Variants in ODF2L observed in about 807,000 individuals in gnomAD.
ODF2L encodes the protein protein BCAP.
ODF2L carries 76 observed loss-of-function variants against 86.3 expected under a neutral mutation model. The ratio of observed to expected loss-of-function variants is 0.88; its 90% CI spans 0.73 to 1.07. The LOEUF (loss-of-function observed/expected upper bound fraction) is 1.07. Among genes scored for constraint, ODF2L ranks in the 50% least tolerant of loss-of-function variants. The pLI is 0.00. For synonymous variants in ODF2L, 241 were observed against 231.3 expected (o/e 1.04, Z -0.38); for missense variants, 748 against 717.4 (o/e 1.04, Z -0.49).
chr1:86,353,096 T>C lies in ODF2L; in HGVS notation c.1768-112A>G, dbSNP rs1658267316. 3 of 686,560 alleles carry C rather than the reference T, an allele frequency of 4.4e-6. No homozygotes were observed. In the Admixed American group the frequency reaches 9.2e-5, roughly 21 times the overall value. The allele number at this position is 686,560 out of a possible 1,614,324, so 42.5% of individuals were successfully genotyped here. A position where few individuals can be genotyped will look rare whatever the true frequency, so the allele number is the denominator to read the frequency against. On this transcript the variant is annotated intron_variant, in intron 16 of 17. Transcript: ENST00000317336. ...AAACAGATATTACTTGTATGTTATA[T>C]CCAAGTTTAAAGATGTTCTATCTTG...
At chr1:86,355,422 A>C (rs780332974) in intron 14 of ODF2L, 88 of 1,318,220 alleles carry the variant, frequency 6.7e-5, no homozygotes, top group Non-Finnish European at 8.8e-5. Context: ...TTCAAGGAAA[A>C]AATTTTTTTC....
At chr1:86,378,994 C>T (rs1477033593) in intron 7 of ODF2L, among the ~76,000 whole-genome samples, 1 of 152,032 alleles carries the variant, frequency 6.6e-6, no homozygotes, top group Non-Finnish European at 1.5e-5. Context: ...GTGCTGTTCT[C>T]CTGATAGTGA....
chr1:86,364,160 T>G (rs946313905), intron 11 of ODF2L, among the ~76,000 whole-genome samples: 1 of 152,198 alleles, frequency 6.6e-6, no homozygotes, highest in South Asian at 2.1e-4. Flanking sequence ...AAAAACTAGT[T>G]TATAATATCT....
downstream of ODF2L, chr1:86,347,495 G>A (rs1204882983): frequency 6.6e-6 from 1 of 151,908 alleles, no homozygotes; most frequent in Non-Finnish European, 1.5e-5. Context: ...GCAATTGTTG[G>A]GTAAAAAATG....
Position 86,352,923 on chromosome 1 carries a change from TC to T in ODF2L, c.1828del (p.Asp610IlefsTer20). 6.5e-7 allele frequency: 1 copy of T among 1,545,384 alleles called. No homozygotes were observed. The highest frequency in any genetic ancestry group is 8.9e-7 in the Non-Finnish European group (1 of 1,123,764). ...TTTCTTTCTAAGCTCAGTTTCCAGA[TC>T]TAATATTTTAATTTGTAAAGCACTC... is the stretch of plus-strand genomic sequence containing the variant. On this transcript the variant is annotated frameshift_variant, in exon 17 of 18. Transcript: ENST00000317336. LOFTEE classifies it high-confidence loss of function.
chr1:86,370,985 A>G, intron 10 of ODF2L, 33 bp downstream of exon 10: 1 of 1,461,654 alleles, frequency 6.8e-7, no homozygotes, highest in Non-Finnish European at 9.2e-7. Flanking sequence ...TCATTACACA[A>G]TACATGCCTG....
rs192985664 is a variant in ODF2L at position 86,365,560 on chromosome 1, G to A, written c.1143+3076C>T. Among the ~76,000 whole-genome samples the A allele has an allele frequency of 5.9e-5, 9 of 152,202 alleles. No individual in the cohort carries two copies. The South Asian group carries it at 8.3e-4, about 14-fold the overall frequency. On this transcript the variant is annotated intron_variant, in intron 11 of 17. Coordinates refer to ENST00000317336, the Ensembl canonical transcript of ODF2L. ...GTGCCCTATCAGAGAGAATTTCCTA[G>A]GTTTAACTTCTGCTGGAGAACTAAA... is the stretch of plus-strand genomic sequence containing the variant.
intron 4 of ODF2L, 98 bp from the exon 5 acceptor site, chr1:86,383,294 C>A: frequency 1.8e-6 from 1 of 541,584 alleles, no homozygotes; most frequent in Non-Finnish European, 3.2e-6. Flanking sequence ...ATTAATATGA[C>A]TTTTAATTCA....
chr1:86,386,592 T>C lies in ODF2L; in HGVS notation c.113+323A>G, dbSNP rs571375774. ...CAGTAGAGATGGGGTTTCACCATGT[T>C]GGCCAGGCTGATCTTGAACTCCTGA... On this transcript the variant is annotated intron_variant, in intron 2 of 17. Transcript: ENST00000317336. The C allele has an allele frequency of 2.1e-4, 51 of 238,370 alleles. No homozygotes were observed. The South Asian group carries it at 7.9e-3, about 37-fold the overall frequency. The allele number at this position is 238,370 out of a possible 1,614,324, so 14.8% of individuals were successfully genotyped here.
rs78018986 is a variant in ODF2L, at chr1:86,387,925, T to C, written c.-59-839A>G. On this transcript the variant is annotated intron_variant, in intron 1 of 17. Transcript: ENST00000317336. ...TTTTATATGTCTGTATTACAAAACA[T>C]ATTATATTCAAGAATTTTTAACACT... Among the ~76,000 whole-genome samples the C allele has an allele frequency of 0.011, 1,702 of 152,228 alleles. 68 individuals carry two copies. The East Asian group carries it at 0.12, about 10-fold the overall frequency.
chr1:86,393,378 T>C (rs527911379), intron 1 of ODF2L, among the ~76,000 whole-genome samples: 6 of 134,776 alleles, frequency 4.5e-5, no homozygotes, highest in South Asian at 4.5e-4. Context: ...AGAGAGGTAA[T>C]TGTATGAAAA....
At chr1:86,352,886 T>C (rs1352449941) in exon 17 of ODF2L, 2 of 1,549,412 alleles carry the variant, frequency 1.3e-6, no homozygotes, top group South Asian at 2.3e-5. Flanking sequence ...CAAGTTGATT[T>C]TGTTCTTCAT....
intron 1 of ODF2L, among the ~76,000 whole-genome samples, chr1:86,387,685 T>G (rs1253427451): frequency 6.6e-6 from 1 of 152,130 alleles, no homozygotes; most frequent in Non-Finnish European, 1.5e-5. Flanking sequence ...CTCACACCTG[T>G]AGATGTCACT....
At chr1:86,353,018 C>A (rs375331812) in intron 16 of ODF2L, 34 bp from the exon 16 acceptor site, 5 of 1,369,934 alleles carry the variant, frequency 3.6e-6, no homozygotes, top group Non-Finnish European at 5.1e-6. Context: ...AAATAAAGTG[C>A]TTTCTTTAAA....
intron 11 of ODF2L, among the ~76,000 whole-genome samples, chr1:86,368,371 G>A (rs1409850352): frequency 6.6e-6 from 1 of 151,890 alleles, no homozygotes; most frequent in African/African-American, 2.4e-5. Flanking sequence ...GTTAGTGCTC[G>A]ACTAATTAGA....
intron 10 of ODF2L, chr1:86,368,836 C>A (rs1659616581): frequency 3.3e-5 from 28 of 854,920 alleles, no homozygotes; most frequent in Non-Finnish European, 4.5e-5. Context: ...AGGGAATCAC[C>A]TAACACTTCT....
At chr1:86,362,387 C>T (rs543635320) in intron 11 of ODF2L, among the ~76,000 whole-genome samples, 13 of 151,230 alleles carry the variant, frequency 8.6e-5, no homozygotes, top group East Asian at 7.8e-4. Context: ...TCAGCCTCTC[C>T]GGCCCAAGCG....
Position 86,353,035 on chromosome 1 carries a change from T to C in ODF2L, c.1768-51A>G, listed in dbSNP as rs1202450571. 3 of 1,188,470 alleles carry C rather than the reference T, an allele frequency of 2.5e-6. No homozygotes were observed. The South Asian group carries it at 4.0e-5, about 16-fold the overall frequency. The allele number at this position is 1,188,470 out of a possible 1,614,324, so 73.6% of individuals were successfully genotyped here. On this transcript the variant is annotated intron_variant, in intron 16 of 17. Transcript: ENST00000317336. ...ATAAAGTGCTTTCTTTAAAATATGA[T>C]TTAAAGCCTTGACAGTTATATTGTA... is the stretch of plus-strand genomic sequence containing the variant.
intron 13 of ODF2L, 66 bp from the exon 13 acceptor site, chr1:86,356,668 T>A: frequency 3.7e-6 from 5 of 1,357,896 alleles, no homozygotes; most frequent in Non-Finnish European, 5.1e-6. Context: ...TTTATTATCT[T>A]AAATACTAGA....
Sources: gnomAD v4.1 joint callset for allele counts (sites outside exome capture counted in the v4.1 genomes callset) on GRCh38, gnomAD v4.1.1 for gene constraint, MANE v1.5 for transcripts, NCBI Gene and HGNC (gene_info 2026-07-23, HGNC 2026-07-21) for gene names.